The following TENT5C variants were observed in gnomAD, a reference collection of about 807,000 sequenced individuals.
TENT5C encodes family with sequence similarity 46 member C.
In TENT5C, 5 loss-of-function variants were observed where a neutral mutation model predicts 22.2. That is an observed-to-expected ratio of 0.22 (90% CI 0.12 to 0.47). The LOEUF (loss-of-function observed/expected upper bound fraction) is 0.47. TENT5C is among the 20% of genes least tolerant of loss of function. The probability of loss-of-function intolerance (pLI) is 0.99; values close to 1 mark genes in which losing one functional copy is unlikely to be tolerated. For synonymous variants in TENT5C, 199 were observed against 195.4 expected (o/e 1.02, Z -0.15); for missense variants, 364 against 500.9 (o/e 0.73, Z 2.61).
chr1:117,617,025 C>T (rs1653796096), intron 1 of TENT5C, among the ~76,000 whole-genome samples: 2 of 152,134 alleles, frequency 1.3e-5, no homozygotes, highest in African/African-American at 2.4e-5. Flanking sequence ...ATTAATGTTG[C>T]TTTGACCGAA....
At chr1:117,615,926 G>A (rs1029549318) in intron 1 of TENT5C, among the ~76,000 whole-genome samples, 2 of 152,192 alleles carry the variant, frequency 1.3e-5, no homozygotes, top group Non-Finnish European at 2.9e-5. Context: ...GTGAACAGAA[G>A]GTTGCTGTGT....
In TENT5C at chr1:117,624,180, T is replaced by TTTTC. The variant is rs1317065450; in HGVS notation, c.*136_*137insTTTC. The TTTTC allele has an allele frequency of 2.4e-5, 18 of 763,338 alleles. No homozygotes were observed. Among genetic ancestry groups the TTTTC allele is most frequent in the Admixed American group, 1.5e-4 (5 of 33,984 alleles). 47.3% of individuals were successfully genotyped at this position (763,338 alleles called of 1,614,324 possible). On this transcript the variant is annotated 3_prime_UTR_variant, in exon 2 of 2. Transcript: ENST00000369448. ...CTGATTCTGCTTTTTTTTTTTTTTT[T>TTTTC]CCTTTGTGTACCCATTGGAATGGGT...
chr1:117,623,333 C>A lies in TENT5C; in HGVS notation c.465C>A (p.Ile155=). Residue 155 remains isoleucine, a synonymous_variant, in exon 2 of 2, where the codon ATC becomes ATA. Coordinates refer to ENST00000369448, the MANE Select transcript of TENT5C (RefSeq NM_017709.4). ...CGGACACTGACCGCTGGAGCCTGAT[C>A]TCCCTCTCCAACAAGAACGGGAAGA... is the stretch of plus-strand genomic sequence containing the variant. The part of the protein sequence containing the change: ...VCTDTDRWSL[I]SLSNKNGKNV... 1 of 1,614,176 alleles carries A rather than the reference C, an allele frequency of 6.2e-7. No homozygotes were observed. Among genetic ancestry groups the A allele is most frequent in the Non-Finnish European group, 8.5e-7 (1 of 1,180,030 alleles).
intron 1 of TENT5C, among the ~76,000 whole-genome samples, chr1:117,609,638 G>T (rs773189178): frequency 4.6e-5 from 7 of 152,214 alleles, no homozygotes; most frequent in Non-Finnish European, 7.4e-5. Flanking sequence ...CTCTGGATGC[G>T]AGAGGAGCTG....
At chr1:117,612,153 G>A (rs35602316) in intron 1 of TENT5C, among the ~76,000 whole-genome samples, 26,552 of 152,160 alleles carry the variant, frequency 0.17, 2,389 homozygotes, top group Admixed American at 0.25. Context: ...GCTCCACAGG[G>A]CCAGGGATCT....
chr1:117,628,219 T>C lies in TENT5C; in HGVS notation c.*4175T>C, dbSNP rs1402925793. On this transcript the variant is annotated 3_prime_UTR_variant, in exon 2 of 2. Coordinates refer to ENST00000369448, the MANE Select transcript of TENT5C (RefSeq NM_017709.4). ...CTATATTTGCATAGCCTTTGAAATA[T>C]TTCTTAGTGCCTAGGAGGTCTGGGG... 3 of 247,526 alleles carry C rather than the reference T, an allele frequency of 1.2e-5. No homozygotes were observed. Among genetic ancestry groups the C allele is most frequent in the Non-Finnish European group, 2.5e-5 (3 of 117,810 alleles). 15.3% of individuals were successfully genotyped at this position (247,526 alleles called of 1,614,324 possible).
At position 117,606,173 on chromosome 1, in the gene TENT5C, C is replaced by T. The variant is rs979179658; in HGVS notation, c.-28+20C>T. On this transcript the variant is annotated intron_variant, in intron 1 of 1. Transcript: ENST00000369448. ...GCCCAGGTGAGTCCGCGACCCCCCT[C>T]CTCTAAAGGTGCGGCGATGCGGCAG... 4 of 152,236 alleles carry T rather than the reference C, an allele frequency of 2.6e-5. No homozygotes were observed. Among genetic ancestry groups the T allele is most frequent in the Non-Finnish European group, 5.9e-5 (4 of 68,124 alleles). 9.4% of individuals were successfully genotyped at this position (152,236 alleles called of 1,614,324 possible). A position where few individuals can be genotyped will look rare whatever the true frequency, so the allele number is the denominator to read the frequency against.
intron 1 of TENT5C, among the ~76,000 whole-genome samples, chr1:117,611,454 A>C (rs542904621): frequency 3.9e-5 from 6 of 152,332 alleles, no homozygotes; most frequent in Non-Finnish European, 7.3e-5. Context: ...CAGCTTCTTC[A>C]TTATAATAAG....
At position 117,623,372 on chromosome 1, in the gene TENT5C, G is replaced by A. The variant is rs770679949; in HGVS notation, c.504G>A (p.Lys168=). 4 of 1,614,168 alleles carry A rather than the reference G, an allele frequency of 2.5e-6. No homozygotes were observed. Among genetic ancestry groups the A allele is most frequent in the Non-Finnish European group, 2.5e-6 (3 of 1,180,042 alleles). The change falls in exon 2 of 2, where the codon AAG becomes AAA. Residue 168 remains lysine, a synonymous_variant. Transcript: ENST00000369448. ...AGAACGGGAAGAACGTGGAGCTGAA[G>A]TTTGTCGACTCCATTCGGCGTCAGT... ...SNKNGKNVEL[K]FVDSIRRQFE...
At position 117,626,741 on chromosome 1, in the gene TENT5C, TAGC is replaced by T. The variant is rs560470772; in HGVS notation, c.*2700_*2702del. The T allele has an allele frequency of 6.9e-5, 17 of 248,050 alleles. No individual in the cohort carries two copies. The highest frequency in any genetic ancestry group is 1.4e-4 in the Non-Finnish European group (16 of 118,148). The allele number at this position is 248,050 out of a possible 1,614,324, so 15.4% of individuals were successfully genotyped here. A position where few individuals can be genotyped will look rare whatever the true frequency, so the allele number is the denominator to read the frequency against. On this transcript the variant is annotated 3_prime_UTR_variant, in exon 2 of 2. Coordinates refer to ENST00000369448, the MANE Select transcript of TENT5C (RefSeq NM_017709.4). ...TGTTGAGTAACATGAAACTTGGCAGTAGCAGAGAGCACTGAAGTTCACATGCAA... is the reference window on the plus strand; with the variant it reads ...TGTTGAGTAACATGAAACTTGGCAGTAGAGAGCACTGAAGTTCACATGCAA...
intron 1 of TENT5C, among the ~76,000 whole-genome samples, chr1:117,621,046 C>T (rs896259656): frequency 5.3e-5 from 8 of 152,136 alleles, no homozygotes; most frequent in Non-Finnish European, 4.4e-5. Flanking sequence ...AAACCAAATG[C>T]CAGTCACAGT....
intron 1 of TENT5C, among the ~76,000 whole-genome samples, chr1:117,618,796 A>G (rs1419949053): frequency 6.6e-6 from 1 of 152,232 alleles, no homozygotes; most frequent in Non-Finnish European, 1.5e-5. Flanking sequence ...TAGAGGAAGT[A>G]TTTGGTACAG....
intron 1 of TENT5C, among the ~76,000 whole-genome samples, chr1:117,612,362 T>TA (rs1653688668): frequency 2.6e-5 from 4 of 151,720 alleles, no homozygotes; most frequent in Admixed American, 6.6e-5. Flanking sequence ...TTTTTTTTTT[T>TA]ATAGTTTCTT....
chr1:117,620,919 G>T (rs1170805697), intron 1 of TENT5C, among the ~76,000 whole-genome samples: 1 of 152,198 alleles, frequency 6.6e-6, no homozygotes, highest in Non-Finnish European at 1.5e-5. Flanking sequence ...GACCACTGGT[G>T]TGGCACATAC....
At position 117,624,252 on chromosome 1, in the gene TENT5C, C is replaced by G. The variant is rs1653965364; in HGVS notation, c.*208C>G. On this transcript the variant is annotated 3_prime_UTR_variant, in exon 2 of 2. Coordinates refer to ENST00000369448, the MANE Select transcript of TENT5C (RefSeq NM_017709.4). ...CCCTCAAAGGACCCGTATTACAGTG[C>G]CACGTTGGAAAACGCTACAGGAAGC... is the stretch of plus-strand genomic sequence containing the variant. 1 of 558,604 alleles carries G rather than the reference C, an allele frequency of 1.8e-6. No homozygotes were observed. The allele number at this position is 558,604 out of a possible 1,614,324, so 34.6% of individuals were successfully genotyped here.
At chr1:117,611,294 C>A (rs938853781) in intron 1 of TENT5C, among the ~76,000 whole-genome samples, 70 of 152,214 alleles carry the variant, frequency 4.6e-4, no homozygotes, top group African/African-American at 1.6e-3. Flanking sequence ...TAGAGGCTTG[C>A]TCACAGCTGC....
In TENT5C at chr1:117,622,821, C is replaced by G. The variant is rs567991159; in HGVS notation, c.-27-21C>G. Reference sequence around the variant, plus strand: ...CATGTAGAAGTGAATCCTAACTCTGCTTCTCACCCCTCACTTTCAGTTTCC... The same window carrying G: ...CATGTAGAAGTGAATCCTAACTCTGGTTCTCACCCCTCACTTTCAGTTTCC... On this transcript the variant is annotated intron_variant, in intron 1 of 1. Transcript: ENST00000369448. The G allele has an allele frequency of 5.8e-6, 9 of 1,548,422 alleles. No individual in the cohort carries two copies. In the South Asian group the frequency reaches 1.1e-4, roughly 18 times the overall value.
intron 1 of TENT5C, among the ~76,000 whole-genome samples, chr1:117,616,756 A>G (rs1433270741): frequency 1.3e-5 from 2 of 152,276 alleles, no homozygotes; most frequent in Non-Finnish European, 1.5e-5. Flanking sequence ...TTTTGTATTC[A>G]TAAACCCTCA....
intron 1 of TENT5C, among the ~76,000 whole-genome samples, chr1:117,613,365 G>A (rs1653708483): frequency 6.6e-6 from 1 of 152,210 alleles, no homozygotes; most frequent in African/African-American, 2.4e-5. Flanking sequence ...CATCCCTGCT[G>A]TAATATCTAG....
Sources: allele counts gnomAD v4.1 joint callset (sites outside exome capture counted in the v4.1 genomes callset), GRCh38; gene constraint gnomAD v4.1.1; transcripts MANE v1.5; gene names NCBI Gene and HGNC (gene_info 2026-07-23, HGNC 2026-07-21).